Variants in GRID2 observed in about 807,000 individuals in gnomAD.
GRID2 encodes glutamate receptor ionotropic, delta-2.
Under a neutral mutation model 114.8 loss-of-function variants are expected in GRID2, and 33 were observed. The observed-to-expected ratio is 0.29, with a 90% CI of 0.22 to 0.38. The LOEUF is 0.38. Among genes scored for constraint, GRID2 ranks in the 10% least tolerant of loss-of-function variants. The pLI is 1.00. For missense variants in GRID2, 1,184 were observed against 1,257.7 expected (o/e 0.94, Z 0.89); for synonymous variants, 505 against 449.9 (o/e 1.12, Z -1.55).
intron 2 of GRID2, among the ~76,000 whole-genome samples, chr4:92,699,620 C>T (rs894783287): frequency 5.9e-5 from 9 of 152,102 alleles, no homozygotes; most frequent in African/African-American, 1.7e-4. Flanking sequence ...AAATAATTTT[C>T]GTTGCTGTTG....
chr4:92,502,047 T>C (rs1486582707), intron 1 of GRID2, among the ~76,000 whole-genome samples: 1 of 152,140 alleles, frequency 6.6e-6, no homozygotes, highest in African/African-American at 2.4e-5. Context: ...TATATGTATC[T>C]GTTTATTAAA....
chr4:92,796,310 C>CA (rs1739870915), intron 2 of GRID2, among the ~76,000 whole-genome samples: 1 of 151,840 alleles, frequency 6.6e-6, no homozygotes, highest in Non-Finnish European at 1.5e-5. Context: ...TGTCCAATAT[C>CA]AAAAGAACTT....
intron 1 of GRID2, among the ~76,000 whole-genome samples, chr4:92,574,941 T>A (rs1294083782): frequency 6.6e-6 from 1 of 152,210 alleles, no homozygotes; most frequent in Non-Finnish European, 1.5e-5. Context: ...ATTATCTTTA[T>A]CTCTTTCAGG....
intron 2 of GRID2, among the ~76,000 whole-genome samples, chr4:92,947,328 T>C (rs1751714576): frequency 6.6e-6 from 1 of 152,028 alleles, no homozygotes; most frequent in Non-Finnish European, 1.5e-5. Context: ...TGTGCTAATA[T>C]GAAAGAAATA....
At chr4:93,094,139 G>T (rs1003426281) in intron 3 of GRID2, among the ~76,000 whole-genome samples, 2 of 151,956 alleles carry the variant, frequency 1.3e-5, no homozygotes, top group African/African-American at 4.8e-5. Flanking sequence ...ACCTTGAGTG[G>T]CACTTGCTTC....
At chr4:93,790,198 G>T (rs1000814607) in intron 1 of GRID2, among the ~76,000 whole-genome samples, 2 of 150,458 alleles carry the variant, frequency 1.3e-5, no homozygotes, top group African/African-American at 2.4e-5. Flanking sequence ...GGGGACCACT[G>T]CCCTAGAGAG....
chr4:93,432,541 T>C (rs1769513892), intron 10 of GRID2, among the ~76,000 whole-genome samples: 1 of 152,136 alleles, frequency 6.6e-6, no homozygotes, highest in Admixed American at 6.6e-5. Context: ...TTGAGGTTCA[T>C]GGCAGAGTGT....
At chr4:93,396,603 T>G (rs767367691) in intron 9 of GRID2, among the ~76,000 whole-genome samples, 49 of 151,966 alleles carry the variant, frequency 3.2e-4, no homozygotes, top group Non-Finnish European at 5.3e-4. Flanking sequence ...CATGGCTGAT[T>G]GAGGAGTAAC....
chr4:92,821,260 G>A (rs1460499448), intron 2 of GRID2, among the ~76,000 whole-genome samples: 1 of 152,108 alleles, frequency 6.6e-6, no homozygotes, highest in Non-Finnish European at 1.5e-5. Context: ...AGCAAAATGC[G>A]ACATTAAGAA....
At chr4:93,163,391 TATATATATAC>T (rs1247053598) in intron 4 of GRID2, among the ~76,000 whole-genome samples, 3 of 36,096 alleles carry the variant, frequency 8.3e-5, no homozygotes, top group African/African-American at 4.0e-4. Flanking sequence ...TATATATATA[TATATATATAC>T]ACTATATATA....
At chr4:93,097,107 C>T (rs1731288521) in intron 3 of GRID2, among the ~76,000 whole-genome samples, 1 of 151,894 alleles carries the variant, frequency 6.6e-6, no homozygotes, top group Non-Finnish European at 1.5e-5. Flanking sequence ...TGGTCAAAAT[C>T]AGACAGTGGT....
At chr4:93,444,112 A>G (rs1721875897) in intron 10 of GRID2, among the ~76,000 whole-genome samples, 1 of 152,030 alleles carries the variant, frequency 6.6e-6, no homozygotes, top group South Asian at 2.1e-4. Context: ...GATAACTGTA[A>G]ACTCTAGGGA....
chr4:93,066,167 C>T (rs1301782380), intron 2 of GRID2, among the ~76,000 whole-genome samples: 1 of 151,936 alleles, frequency 6.6e-6, no homozygotes, highest in African/African-American at 2.4e-5. Context: ...TTAGATTATA[C>T]ACTGACCAAA....
intron 14 of GRID2, among the ~76,000 whole-genome samples, chr4:93,687,321 G>A (rs1291584875): frequency 6.6e-6 from 1 of 152,022 alleles, no homozygotes; most frequent in African/African-American, 2.4e-5. Context: ...GGCATATTAA[G>A]TTTGAGATGT....
intron 2 of GRID2, among the ~76,000 whole-genome samples, chr4:92,600,044 G>GTATATA (rs70942915): frequency 0.014 from 768 of 54,314 alleles, 21 homozygotes; most frequent in African/African-American, 0.016. Flanking sequence ...GTGTGTGTGT[G>GTATATA]TATATATATA....
At chr4:93,044,274 G>A (rs930021005) in intron 2 of GRID2, among the ~76,000 whole-genome samples, 12 of 151,916 alleles carry the variant, frequency 7.9e-5, no homozygotes, top group African/African-American at 2.7e-4. Context: ...ACTTAGAAAC[G>A]TTGTTATATC....
At chr4:92,621,856 A>G (rs1730291883) in intron 2 of GRID2, among the ~76,000 whole-genome samples, 1 of 151,866 alleles carries the variant, frequency 6.6e-6, no homozygotes, top group South Asian at 2.1e-4. Flanking sequence ...AAGAATAGCT[A>G]GAGTTTGGTG....
intron 2 of GRID2, among the ~76,000 whole-genome samples, chr4:93,053,596 G>T (rs1726932506): frequency 6.6e-6 from 1 of 151,882 alleles, no homozygotes; most frequent in Non-Finnish European, 1.5e-5. Flanking sequence ...TTAAAGAAAA[G>T]GTTACTTTTT....
At chr4:92,380,921 C>A (rs181682291) in intron 1 of GRID2, among the ~76,000 whole-genome samples, 1 of 152,008 alleles carries the variant, frequency 6.6e-6, no homozygotes, top group African/African-American at 2.4e-5. Flanking sequence ...AATACTATAT[C>A]TCCTCTGTGA....
Sources: gnomAD v4.1 joint callset for allele counts (sites outside exome capture counted in the v4.1 genomes callset) on GRCh38, gnomAD v4.1.1 for gene constraint, MANE v1.5 for transcripts, NCBI Gene and HGNC (gene_info 2026-07-23, HGNC 2026-07-21) for gene names.